Variants in GFRA1 observed in about 807,000 individuals in gnomAD.
GFRA1 encodes the protein GDNF family receptor alpha 1, also known as GDNF family receptor alpha-1.
In GFRA1, 16 loss-of-function variants were observed where a neutral mutation model predicts 51.6. The ratio of observed to expected loss-of-function variants is 0.31; its 90% CI spans 0.21 to 0.47. The LOEUF (loss-of-function observed/expected upper bound fraction) is 0.47, where lower values mean the gene tolerates loss of function less well. Among genes scored for constraint, GFRA1 ranks in the 20% least tolerant of loss-of-function variants. The pLI is 1.00. For synonymous variants in GFRA1, 270 were observed against 241.3 expected, an observed-to-expected ratio of 1.12 and a Z score of -1.10; for missense variants, 530 against 594.3, an observed-to-expected ratio of 0.89 and a Z score of 1.13.
At chr10:116,085,703 T>C (rs548108037) in intron 9 of GFRA1, among the ~76,000 whole-genome samples, 1 of 152,262 alleles carries the variant, frequency 6.6e-6, no homozygotes, top group East Asian at 1.9e-4. Context: ...CCCCATCCTC[T>C]AGCCTCAGAT....
At chr10:116,224,233 A>G (rs766883680) in intron 4 of GFRA1, among the ~76,000 whole-genome samples, 7 of 152,298 alleles carry the variant, frequency 4.6e-5, no homozygotes, top group Admixed American at 2.0e-4. Flanking sequence ...AAGCACATAC[A>G]CTGCTGATGG....
chr10:116,127,197 C>T (rs537615018), intron 5 of GFRA1, among the ~76,000 whole-genome samples: 44 of 152,118 alleles, frequency 2.9e-4, no homozygotes, highest in African/African-American at 1.0e-3. Flanking sequence ...AACACTGTGC[C>T]GATTGTTATC....
chr10:116,057,206 G>C lies in GFRA1; in HGVS notation c.*7192C>G, dbSNP rs770079332. ...GTGTCCTCTGGAAAGCAGATACACAGGACGATGGACAAATGTGTCATCTTC... is the reference window on the plus strand; with the variant it reads ...GTGTCCTCTGGAAAGCAGATACACACGACGATGGACAAATGTGTCATCTTC... On this transcript the variant is annotated 3_prime_UTR_variant, in exon 11 of 11. Coordinates refer to ENST00000355422, the MANE Select transcript of GFRA1 (RefSeq NM_005264.8). The C allele has an allele frequency of 6.6e-6, 1 of 152,186 alleles. No homozygotes were observed. Among genetic ancestry groups the C allele is most frequent in the Non-Finnish European group, 1.5e-5 (1 of 68,046 alleles). 9.4% of individuals were successfully genotyped at this position (152,186 alleles called of 1,614,324 possible).
intron 4 of GFRA1, among the ~76,000 whole-genome samples, chr10:116,217,587 G>C (rs2134475105): frequency 6.6e-6 from 1 of 152,360 alleles, no homozygotes; most frequent in African/African-American, 2.4e-5. Flanking sequence ...AGCACATGGT[G>C]GCTGGTTTAT....
chr10:116,156,314 G>T (rs978269868), intron 5 of GFRA1, among the ~76,000 whole-genome samples: 5 of 152,220 alleles, frequency 3.3e-5, no homozygotes, highest in Non-Finnish European at 7.3e-5. Context: ...AATTTCAAAC[G>T]AAGTTATGGG....
chr10:116,262,004 A>G (rs1969337125), intron 4 of GFRA1, among the ~76,000 whole-genome samples: 1 of 152,104 alleles, frequency 6.6e-6, no homozygotes, highest in South Asian at 2.1e-4. Context: ...CCAATTTGAT[A>G]CCTCCTCTTG....
At chr10:116,265,858 C>T (rs975252820) in intron 4 of GFRA1, among the ~76,000 whole-genome samples, 2 of 152,068 alleles carry the variant, frequency 1.3e-5, no homozygotes, top group Non-Finnish European at 2.9e-5. Context: ...CCCACACTAG[C>T]CTCACCCCAC....
At chr10:116,234,525 TG>T (rs1966843488) in intron 4 of GFRA1, among the ~76,000 whole-genome samples, 1 of 152,248 alleles carries the variant, frequency 6.6e-6, no homozygotes, top group African/African-American at 2.4e-5. Flanking sequence ...ATCACAGACG[TG>T]GGACTGTAAA....
At chr10:116,200,878 G>A (rs1288186253) in intron 5 of GFRA1, among the ~76,000 whole-genome samples, 1 of 152,162 alleles carries the variant, frequency 6.6e-6, no homozygotes, top group African/African-American at 2.4e-5. Context: ...GATCATTCTG[G>A]GGAGAAAGCG....
Position 116,180,417 on chromosome 10 carries a change from T to C in GFRA1, c.433+31214A>G, listed in dbSNP as rs1265269109. Reference sequence around the variant, plus strand: ...CAAGAAAGCTGGGTCCCATGATAAATACTGTGCCTTGAAGGTCTTCATCAA... The same window carrying C: ...CAAGAAAGCTGGGTCCCATGATAAACACTGTGCCTTGAAGGTCTTCATCAA... On this transcript the variant is annotated intron_variant, in intron 5 of 10. Coordinates refer to ENST00000355422, the MANE Select transcript of GFRA1 (RefSeq NM_005264.8). Among the ~76,000 whole-genome samples, 3 of 152,160 alleles carry C rather than the reference T, an allele frequency of 2.0e-5. No homozygotes were observed. In the East Asian group the frequency reaches 5.8e-4, roughly 29 times the overall value.
chr10:116,094,925 G>A lies in GFRA1; in HGVS notation c.881-1089C>T, dbSNP rs115550121. On this transcript the variant is annotated intron_variant, in intron 7 of 10. Coordinates refer to ENST00000355422, the MANE Select transcript of GFRA1 (RefSeq NM_005264.8). Reference sequence around the variant, plus strand: ...ATGCCTGGTGCCACGGTGGGCCCCTGGCATACATGGAAGAAGTAGGAATAA... The same window carrying A: ...ATGCCTGGTGCCACGGTGGGCCCCTAGCATACATGGAAGAAGTAGGAATAA... Among the ~76,000 whole-genome samples, 1,444 of 152,300 alleles carry A rather than the reference G, an allele frequency of 9.5e-3. 29 individuals carry two copies. The highest frequency in any genetic ancestry group is 0.033 in the African/African-American group (1,368 of 41,552).
At chr10:116,183,710 G>A (rs1021673105) in intron 5 of GFRA1, among the ~76,000 whole-genome samples, 2 of 152,136 alleles carry the variant, frequency 1.3e-5, no homozygotes, top group Non-Finnish European at 2.9e-5. Context: ...CTCCTTCTCT[G>A]CCTCTTGCTC....
chr10:116,238,437 C>T (rs1005368233), intron 4 of GFRA1, among the ~76,000 whole-genome samples: 3 of 152,196 alleles, frequency 2.0e-5, no homozygotes, highest in Non-Finnish European at 2.9e-5. Context: ...TAAAACAACT[C>T]AGAATGTGCA....
intron 6 of GFRA1, among the ~76,000 whole-genome samples, chr10:116,121,649 G>T (rs1237131684): frequency 2.0e-5 from 3 of 152,180 alleles, no homozygotes; most frequent in South Asian, 4.1e-4. Flanking sequence ...TTTGATGGTT[G>T]CTGATGTTAA....
At chr10:116,243,368 A>G (rs1419232414) in intron 4 of GFRA1, among the ~76,000 whole-genome samples, 1 of 152,148 alleles carries the variant, frequency 6.6e-6, no homozygotes, top group Non-Finnish European at 1.5e-5. Flanking sequence ...GCATGTAGAA[A>G]CCTTCCATTT....
intron 6 of GFRA1, among the ~76,000 whole-genome samples, chr10:116,114,099 TCTCA>T (rs771779937): frequency 4.6e-5 from 7 of 152,190 alleles, no homozygotes; most frequent in Non-Finnish European, 7.4e-5. Context: ...ATGGATTCAG[TCTCA>T]CTGAGTCAGT....
At chr10:116,240,989 A>G (rs925388585) in intron 4 of GFRA1, among the ~76,000 whole-genome samples, 2 of 152,194 alleles carry the variant, frequency 1.3e-5, no homozygotes, top group Non-Finnish European at 2.9e-5. Flanking sequence ...TTGACATCTG[A>G]AACCAAATCA....
At chr10:116,233,861 C>A (rs1308034960) in intron 4 of GFRA1, among the ~76,000 whole-genome samples, 1 of 152,144 alleles carries the variant, frequency 6.6e-6, no homozygotes, top group Non-Finnish European at 1.5e-5. Flanking sequence ...GGGAAAAAAA[C>A]AAATGATTTT....
At chr10:116,118,743 T>C (rs1026102149) in intron 6 of GFRA1, among the ~76,000 whole-genome samples, 3 of 152,130 alleles carry the variant, frequency 2.0e-5, no homozygotes, top group African/African-American at 7.2e-5. Context: ...AATATGCAAA[T>C]GCAAAGACAA....
Sources: allele counts gnomAD v4.1 joint callset (sites outside exome capture counted in the v4.1 genomes callset), GRCh38; gene constraint gnomAD v4.1.1; transcripts MANE v1.5; gene names NCBI Gene and HGNC (gene_info 2026-07-23, HGNC 2026-07-21).